C1GALT1: variants seen among roughly 807,000 people sequenced by gnomAD.
C1GALT1 encodes glycoprotein-N-acetylgalactosamine 3-beta-galactosyltransferase 1.
C1GALT1 carries 11 observed loss-of-function variants against 31.0 expected under a neutral mutation model. The ratio of observed to expected loss-of-function variants is 0.36; its 90% CI spans 0.22 to 0.59. The LOEUF (loss-of-function observed/expected upper bound fraction) is 0.59, where lower values mean the gene tolerates loss of function less well. C1GALT1 is among the 20% of genes least tolerant of loss of function. C1GALT1 has a pLI of 0.79. For missense variants in C1GALT1, 424 were observed against 425.2 expected (o/e 1.00, Z 0.03); for synonymous variants, 175 against 143.6 (o/e 1.22, Z -1.56).
intron 1 of C1GALT1, among the ~76,000 whole-genome samples, chr7:7,230,690 A>G (rs1783033076): frequency 7.7e-6 from 1 of 129,668 alleles, no homozygotes; most frequent in Non-Finnish European, 1.7e-5. Flanking sequence ...TTGTATTTGA[A>G]TTTAATTATA....
chr7:7,184,036 T>C (rs34466774), intron 1 of C1GALT1, among the ~76,000 whole-genome samples: 9,110 of 151,736 alleles, frequency 0.06, 336 homozygotes, highest in East Asian at 0.16. Context: ...GGAATCCGAG[T>C]TTTTAGAAGG....
intron 1 of C1GALT1, among the ~76,000 whole-genome samples, chr7:7,218,708 A>C (rs6960962): frequency 6.6e-6 from 1 of 152,018 alleles, no homozygotes; most frequent in Non-Finnish European, 1.5e-5. Context: ...GCTAGTGACT[A>C]TATCTTTGGC....
At position 7,238,798 on chromosome 7, in the gene C1GALT1, GA is replaced by G; in HGVS notation, c.765del (p.Asp256IlefsTer20). 6.2e-7 allele frequency: 1 copy of G among 1,613,758 alleles called. No individual in the cohort carries two copies. Among genetic ancestry groups the G allele is most frequent in the Middle Eastern group, 1.7e-4 (1 of 5,858 alleles). ...RCMEIMNVEA[G>X]DSRDTIGKET... ...ATGGAAATTATGAATGTAGAAGCAG[GA>G]GATTCCAGAGATACCATTGGAAAAG... On this transcript the variant is annotated frameshift_variant, in exon 3 of 4. Transcript: ENST00000436587. LOFTEE classifies it high-confidence loss of function. The surrounding 1 kb of genome is among the most constrained non-coding windows in gnomAD (Gnocchi z 5.2).
chr7:7,214,432 G>A (rs961997393), intron 1 of C1GALT1, among the ~76,000 whole-genome samples: 1 of 152,104 alleles, frequency 6.6e-6, no homozygotes, highest in Non-Finnish European at 1.5e-5. Flanking sequence ...TCCAAGAAGA[G>A]AAAAACATAA....
intron 1 of C1GALT1, among the ~76,000 whole-genome samples, chr7:7,222,894 A>G (rs1379434309): frequency 9.2e-6 from 1 of 108,350 alleles, no homozygotes; most frequent in African/African-American, 5.4e-5. Context: ...TATGACAGGT[A>G]TGTGAGTTTT....
chr7:7,163,472 T>C (rs1332983622), intron 2 of C1GALT1, among the ~76,000 whole-genome samples: 1 of 152,074 alleles, frequency 6.6e-6, no homozygotes, highest in Non-Finnish European at 1.5e-5. Context: ...CCAGGGCAAT[T>C]AGGCAGGAGA....
chr7:7,238,723 A>G lies in C1GALT1; in HGVS notation c.689A>G (p.Asp230Gly), dbSNP rs1454912932. The G allele has an allele frequency of 3.1e-6, 5 of 1,613,986 alleles. No individual in the cohort carries two copies. The highest frequency in any genetic ancestry group is 4.2e-6 in the Non-Finnish European group (5 of 1,179,944). The change falls in exon 3 of 4, where the codon GAC (aspartate) becomes GGC (glycine). Residue 230 changes from aspartate (D) to glycine (G), a missense_variant. Asp to Gly is a moderately conservative substitution (Grantham distance 94). Transcript: ENST00000436587. The surrounding 1 kb of genome is among the most constrained non-coding windows in gnomAD (Gnocchi z 5.2). Reference protein sequence around the residue: ...LKRFVDAFKTDKCTHSSSIED... With the variant: ...LKRFVDAFKTGKCTHSSSIED... ...AGATTTGTTGATGCATTTAAAACAG[A>G]CAAGTGTACACATAGTTCCTCCATT... is the stretch of plus-strand genomic sequence containing the variant.
chr7:7,234,486 A>C lies in C1GALT1; in HGVS notation c.167A>C (p.Gln56Pro). 3.7e-6 allele frequency: 6 copies of C among 1,613,914 alleles called. No individual in the cohort carries two copies. The highest frequency in any genetic ancestry group is 5.1e-6 in the Non-Finnish European group (6 of 1,179,842). The change falls in exon 2 of 4, where the codon CAG becomes CCG. Residue 56 changes from glutamine (Q) to proline (P), a missense_variant. By Grantham distance (76) the Gln-to-Pro change is moderately conservative. Transcript: ENST00000436587. ...GCAAGGCATTCAGATGATAATGGAC[A>C]GAATCATCTAGAAGGACAAATGAAC... ...PHARHSDDNG[Q>P]NHLEGQMNFN...
intron 2 of C1GALT1, among the ~76,000 whole-genome samples, chr7:7,165,315 G>A (rs1372192945): frequency 2.0e-5 from 3 of 152,190 alleles, no homozygotes; most frequent in South Asian, 4.1e-4. Context: ...GTGGAATAAA[G>A]CACGCATCTA....
At position 7,187,143 on chromosome 7, in the gene C1GALT1, G is replaced by A. The variant is rs764818333; in HGVS notation, c.-18+4323G>A. Among the ~76,000 whole-genome samples the A allele has an allele frequency of 8.5e-5, 13 of 152,140 alleles. No individual in the cohort carries two copies. In the South Asian group the frequency reaches 1.0e-3, roughly 12 times the overall value. On this transcript the variant is annotated intron_variant, in intron 1 of 3. Transcript: ENST00000436587. ...TCAGAAGAGGTACAAGACTAAAAAC[G>A]CACAGTAAATGGTTTGAAAAGTAAG... is the stretch of plus-strand genomic sequence containing the variant.
At chr7:7,182,871 C>T (rs1166869974) in intron 1 of C1GALT1, 51 bp downstream of exon 1, 6 of 983,554 alleles carry the variant, frequency 6.1e-6, no homozygotes, top group Non-Finnish European at 7.2e-6. Context: ...TCTCGTCTCC[C>T]CTCGCCCTCC....
At chr7:7,217,616 T>A (rs1321406027) in intron 1 of C1GALT1, among the ~76,000 whole-genome samples, 1 of 152,254 alleles carries the variant, frequency 6.6e-6, no homozygotes, top group Non-Finnish European at 1.5e-5. Flanking sequence ...GAGAAAACTA[T>A]TGAAAACTTA....
intron 2 of C1GALT1, among the ~76,000 whole-genome samples, chr7:7,166,224 C>G (rs779410128): frequency 1.3e-5 from 2 of 152,114 alleles, no homozygotes; most frequent in Non-Finnish European, 2.9e-5. Flanking sequence ...GAGTGTAGCA[C>G]AGGTTTAGGG....
intron 1 of C1GALT1, among the ~76,000 whole-genome samples, chr7:7,223,628 T>C (rs1782614300): frequency 6.6e-6 from 1 of 152,230 alleles, no homozygotes; most frequent in Admixed American, 6.5e-5. Context: ...TTGCTGAATT[T>C]ACTCTTTGTA....
At chr7:7,214,579 C>A (rs774594175) in intron 1 of C1GALT1, among the ~76,000 whole-genome samples, 8 of 152,114 alleles carry the variant, frequency 5.3e-5, no homozygotes, top group African/African-American at 1.7e-4. Flanking sequence ...TTCGAACTTT[C>A]GAAAGTAACC....
rs1449994558 is a variant in C1GALT1, at chr7:7,245,819, G to A, written c.*2092G>A. 1 of 152,162 alleles carries A rather than the reference G, an allele frequency of 6.6e-6. No homozygotes were observed. The highest frequency in any genetic ancestry group is 2.4e-5 in the African/African-American group (1 of 41,436). The allele number at this position is 152,162 out of a possible 1,614,324, so 9.4% of individuals were successfully genotyped here. A position where few individuals can be genotyped will look rare whatever the true frequency, so the allele number is the denominator to read the frequency against. On this transcript the variant is annotated 3_prime_UTR_variant, in exon 4 of 4. Transcript: ENST00000436587. ...AATCCTGGGCTCTAGAGTCAGACTT[G>A]CTTGGGTTTAAATTCTTGCTCTAAC...
chr7:7,230,688 GAATTT>G (rs1783032979), intron 1 of C1GALT1, among the ~76,000 whole-genome samples: 5 of 114,570 alleles, frequency 4.4e-5, no homozygotes, highest in Admixed American at 2.6e-4. Context: ...TTTTGTATTT[GAATTT>G]AATTATATTG....
chr7:7,219,366 T>G (rs1583802911), intron 1 of C1GALT1, among the ~76,000 whole-genome samples: 1 of 151,970 alleles, frequency 6.6e-6, no homozygotes, highest in Admixed American at 6.6e-5. Context: ...GATGTGTCAG[T>G]GTAGGTTTAT....
chr7:7,221,541 T>G (rs1263104888), intron 1 of C1GALT1, among the ~76,000 whole-genome samples: 1 of 152,226 alleles, frequency 6.6e-6, no homozygotes, highest in East Asian at 1.9e-4. Context: ...TAACTGGTGT[T>G]GGTAATTTAG....
Sources: gnomAD v4.1 joint callset for allele counts (sites outside exome capture counted in the v4.1 genomes callset) on GRCh38, gnomAD v4.1.1 for gene constraint, Gnocchi (gnomAD v3.1) non-coding constraint, MANE v1.5 for transcripts, NCBI Gene and HGNC (gene_info 2026-07-23, HGNC 2026-07-21) for gene names.